Variants in NAALADL2 observed in about 807,000 individuals in gnomAD.
NAALADL2 encodes the protein N-acetylated alpha-linked acidic dipeptidase like 2, also known as inactive N-acetylated-alpha-linked acidic dipeptidase-like protein 2.
A neutral mutation model predicts 87.2 loss-of-function variants in NAALADL2; 76 were observed. That is an observed-to-expected ratio of 0.87 (90% CI 0.72 to 1.05). The LOEUF (loss-of-function observed/expected upper bound fraction) is 1.05, where lower values mean the gene tolerates loss of function less well. Ranked by LOEUF, NAALADL2 falls within the 50% of genes least tolerant of loss-of-function variation. The pLI is 0.00. For synonymous variants in NAALADL2, 354 were observed against 331.0 expected (o/e 1.07, Z -0.75); for missense variants, 1,089 against 945.8 (o/e 1.15, Z -1.99).
intron 10 of NAALADL2, among the ~76,000 whole-genome samples, chr3:175,610,399 T>C (rs1724461312): frequency 1.3e-5 from 2 of 152,138 alleles, no homozygotes; most frequent in African/African-American, 4.8e-5. Context: ...ACCTGTAGCA[T>C]AATAAACATT....
intron 9 of NAALADL2, among the ~76,000 whole-genome samples, chr3:175,482,916 G>C (rs964298827): frequency 2.0e-5 from 3 of 151,716 alleles, no homozygotes; most frequent in Non-Finnish European, 4.4e-5. Flanking sequence ...ACTTTTGTTT[G>C]TAAGTGTCCT....
At chr3:174,966,848 G>T (rs1382381644) in intron 1 of NAALADL2, among the ~76,000 whole-genome samples, 2 of 152,124 alleles carry the variant, frequency 1.3e-5, no homozygotes, top group African/African-American at 2.4e-5. Flanking sequence ...TAGGGTTAGA[G>T]AAATTGAGAC....
At chr3:174,646,993 C>G (rs1723861481) in intron 2 of NAALADL2, among the ~76,000 whole-genome samples, 1 of 152,078 alleles carries the variant, frequency 6.6e-6, no homozygotes, top group South Asian at 2.1e-4. Context: ...ACATTCATGT[C>G]TTCTTTTCCT....
chr3:174,577,987 A>C (rs1440478874), intron 2 of NAALADL2, among the ~76,000 whole-genome samples: 1 of 152,062 alleles, frequency 6.6e-6, no homozygotes, highest in African/African-American at 2.4e-5. Flanking sequence ...AATTTAAAAG[A>C]AAAATTTCAG....
chr3:174,448,413 A>T (rs545082852), intron 1 of NAALADL2, among the ~76,000 whole-genome samples: 2 of 152,310 alleles, frequency 1.3e-5, no homozygotes, highest in Non-Finnish European at 2.9e-5. Flanking sequence ...AAAGAATCAG[A>T]GGTATTTAAT....
intron 1 of NAALADL2, among the ~76,000 whole-genome samples, chr3:174,519,310 A>T (rs1295888108): frequency 6.7e-5 from 10 of 148,238 alleles, no homozygotes; most frequent in African/African-American, 2.4e-4. Context: ...GAAACAAGTG[A>T]ATGAATGAAG....
At chr3:175,088,477 G>T (rs532923813) in intron 1 of NAALADL2, among the ~76,000 whole-genome samples, 173 of 152,304 alleles carry the variant, frequency 1.1e-3, no homozygotes, top group African/African-American at 4.0e-3. Context: ...AAGTGCAGAT[G>T]CTAGATGTAC....
At chr3:175,635,288 C>G (rs1728358229) in intron 11 of NAALADL2, among the ~76,000 whole-genome samples, 1 of 151,952 alleles carries the variant, frequency 6.6e-6, no homozygotes, top group South Asian at 2.1e-4. Flanking sequence ...CAAAATTTGA[C>G]TCAATTTTTA....
chr3:175,604,662 T>G (rs1723445932), intron 10 of NAALADL2, among the ~76,000 whole-genome samples: 1 of 152,158 alleles, frequency 6.6e-6, no homozygotes, highest in Admixed American at 6.5e-5. Flanking sequence ...GTCCTCATTT[T>G]GGGTTTGTCT....
At chr3:175,761,435 G>T (rs1747992679) in intron 13 of NAALADL2, among the ~76,000 whole-genome samples, 2 of 152,068 alleles carry the variant, frequency 1.3e-5, no homozygotes, top group Admixed American at 6.6e-5. Flanking sequence ...TCAAGTTTTG[G>T]CAGTTGTGAA....
At chr3:174,861,327 G>C (rs1353263566) in intron 1 of NAALADL2, among the ~76,000 whole-genome samples, 1 of 151,348 alleles carries the variant, frequency 6.6e-6, no homozygotes, top group Non-Finnish European at 1.5e-5. Context: ...TTTCGTTTCT[G>C]GATTTCTTTA....
chr3:174,510,214 TG>T (rs1312345239), intron 1 of NAALADL2, among the ~76,000 whole-genome samples: 2 of 152,144 alleles, frequency 1.3e-5, no homozygotes, highest in African/African-American at 4.8e-5. Context: ...GTAATGTTTT[TG>T]GTTTTGAATT....
intron 2 of NAALADL2, among the ~76,000 whole-genome samples, chr3:175,218,470 T>C (rs1256294896): frequency 6.7e-6 from 1 of 148,646 alleles, no homozygotes; most frequent in Non-Finnish European, 1.5e-5. Flanking sequence ...TGTTTTAAAC[T>C]CTTTTTTTAT....
intron 10 of NAALADL2, among the ~76,000 whole-genome samples, chr3:175,588,739 C>A (rs550622193): frequency 2.0e-5 from 3 of 151,822 alleles, no homozygotes; most frequent in East Asian, 1.9e-4. Flanking sequence ...GGGGTTTCAC[C>A]GTGTTAGCCA....
At chr3:175,429,159 A>G (rs941555372) in intron 5 of NAALADL2, among the ~76,000 whole-genome samples, 4 of 141,434 alleles carry the variant, frequency 2.8e-5, no homozygotes, top group African/African-American at 1.1e-4. Flanking sequence ...ATTCTGGACT[A>G]TAGTAATATA....
intron 1 of NAALADL2, among the ~76,000 whole-genome samples, chr3:175,075,036 A>G (rs185977937): frequency 1.1e-3 from 162 of 152,298 alleles, no homozygotes; most frequent in African/African-American, 3.8e-3. Flanking sequence ...AGACAGGGAC[A>G]GTTAACATTA....
chr3:175,223,094 C>CTCTGTGTGTG (rs1553820053), intron 2 of NAALADL2, among the ~76,000 whole-genome samples: 1 of 147,488 alleles, frequency 6.8e-6, no homozygotes, highest in Non-Finnish European at 1.5e-5. Context: ...CATAGTTACT[C>CTCTGTGTGTG]TGTGTGTGTG....
At chr3:175,451,057 G>C (rs1409284672) in intron 6 of NAALADL2, among the ~76,000 whole-genome samples, 1 of 152,014 alleles carries the variant, frequency 6.6e-6, no homozygotes, top group Non-Finnish European at 1.5e-5. Context: ...GAAAGAGAGA[G>C]AGAAAAAGAA....
chr3:175,665,383 CA>C (rs35244609), intron 11 of NAALADL2, among the ~76,000 whole-genome samples: 1 of 152,050 alleles, frequency 6.6e-6, no homozygotes, highest in Non-Finnish European at 1.5e-5. Context: ...ATTTCCAAAC[CA>C]AAAAACGTGA....
Sources: allele counts gnomAD v4.1 joint callset (sites outside exome capture counted in the v4.1 genomes callset), GRCh38; gene constraint gnomAD v4.1.1; transcripts MANE v1.5; gene names NCBI Gene and HGNC (gene_info 2026-07-23, HGNC 2026-07-21).